The following DLG5 variants were observed in gnomAD, a reference collection of about 807,000 sequenced individuals.
DLG5 encodes the protein disks large homolog 5.
In DLG5, 48 loss-of-function variants were observed where a neutral mutation model predicts 189.8. That is an observed-to-expected ratio of 0.25 (90% CI 0.20 to 0.32). The LOEUF (loss-of-function observed/expected upper bound fraction) is 0.32, where lower values mean the gene tolerates loss of function less well. Ranked by LOEUF, DLG5 falls within the 10% of genes least tolerant of loss-of-function variation. The pLI, the probability that DLG5 is intolerant of heterozygous loss-of-function variation, is 1.00. For synonymous variants in DLG5, 1,016 were observed against 1,054.1 expected, an observed-to-expected ratio of 0.96 and a Z score of 0.70; for missense variants, 2,160 against 2,544.7, an observed-to-expected ratio of 0.85 and a Z score of 3.25.
At chr10:77,873,510 A>G (rs1196753206) in intron 1 of DLG5, among the ~76,000 whole-genome samples, 3 of 152,102 alleles carry the variant, frequency 2.0e-5, no homozygotes, top group African/African-American at 7.2e-5. Flanking sequence ...CCCGTGACTC[A>G]GTGCCACTGG....
intron 26 of DLG5, chr10:77,806,085 G>A (rs1333214797): frequency 1.4e-5 from 7 of 490,088 alleles, no homozygotes; most frequent in South Asian, 4.3e-5. Flanking sequence ...CAGAGCAGGC[G>A]ATTTTTTCTA....
rs187744793 is a variant in DLG5 at position 77,823,148 on chromosome 10, T to C, written c.2383-1047A>G. On this transcript the variant is annotated intron_variant, in intron 14 of 31. Coordinates refer to ENST00000372391, the MANE Select transcript of DLG5 (RefSeq NM_004747.4). ...CGCAAAATGCCAAAATTGGGGAAAC[T>C]TGGGGACAGGAGTGGGGATGGTGGT... 3.9e-5 allele frequency among the ~76,000 whole-genome samples: 6 copies of C among 152,302 alleles called. No individual in the cohort carries two copies. The East Asian group carries it at 7.7e-4, about 20-fold the overall frequency.
At chr10:77,897,217 G>T (rs529325339) in intron 1 of DLG5, among the ~76,000 whole-genome samples, 6 of 150,830 alleles carry the variant, frequency 4.0e-5, no homozygotes, top group Non-Finnish European at 8.9e-5. Flanking sequence ...TTAGCTGGAT[G>T]TAGTGGTGCA....
chr10:77,856,722 A>G lies in DLG5; in HGVS notation c.536+8T>C. The G allele has an allele frequency of 6.2e-7, 1 of 1,611,380 alleles. No homozygotes were observed. Among genetic ancestry groups the G allele is most frequent in the Non-Finnish European group, 8.5e-7 (1 of 1,178,514 alleles). ...GGGCCTGGGCAGGGGAGACGGCGCAATTACTACCTCTTGTCAAAGGCCGTG... is the reference window on the plus strand; with the variant it reads ...GGGCCTGGGCAGGGGAGACGGCGCAGTTACTACCTCTTGTCAAAGGCCGTG... On this transcript the variant is annotated splice_region_variant and intron_variant, in intron 3 of 31. Coordinates refer to ENST00000372391, the MANE Select transcript of DLG5 (RefSeq NM_004747.4).
intron 9 of DLG5, among the ~76,000 whole-genome samples, chr10:77,831,896 T>C (rs1461510085): frequency 6.6e-6 from 1 of 152,250 alleles, no homozygotes; most frequent in Non-Finnish European, 1.5e-5. Context: ...TTTAATGCCA[T>C]TGTTACAATT....
chr10:77,917,898 G>A (rs1332043668), intron 1 of DLG5, among the ~76,000 whole-genome samples: 2 of 151,096 alleles, frequency 1.3e-5, no homozygotes, highest in Admixed American at 1.3e-4. Context: ...GTGGTGGTGG[G>A]CACCTGTAAT....
At chr10:77,819,236 T>G in intron 17 of DLG5, 85 bp downstream of exon 17, 23 of 1,595,650 alleles carry the variant, frequency 1.4e-5, no homozygotes, top group South Asian at 2.2e-5. Context: ...TCTCCACCAA[T>G]GAGCCTCTTT....
chr10:77,874,982 A>G (rs777794768), intron 1 of DLG5, among the ~76,000 whole-genome samples: 5 of 152,242 alleles, frequency 3.3e-5, no homozygotes, highest in Non-Finnish European at 7.3e-5. Flanking sequence ...AAGCACTACT[A>G]AGTACTGGGA....
At chr10:77,913,533 A>T (rs1846281146) in intron 1 of DLG5, among the ~76,000 whole-genome samples, 1 of 151,856 alleles carries the variant, frequency 6.6e-6, no homozygotes, top group South Asian at 2.1e-4. Context: ...TGGTTGGGAG[A>T]GATGGGTGAT....
intron 13 of DLG5, 43 bp from the exon 14 acceptor site, chr10:77,824,519 C>T (rs1842521001): frequency 6.6e-7 from 1 of 1,515,048 alleles, no homozygotes; most frequent in South Asian, 1.1e-5. Context: ...GGCAGAGCGG[C>T]CTCAGGCCTA....
intron 15 of DLG5, 180 bp from the exon 16 acceptor site, chr10:77,820,198 T>C (rs1842271509): frequency 2.7e-6 from 2 of 747,268 alleles, no homozygotes; most frequent in African/African-American, 3.7e-5. Flanking sequence ...ATACAAAAAT[T>C]AGCTGGGCAT....
At position 77,820,004 on chromosome 10, in the gene DLG5, G is replaced by A. The variant is rs752093546; in HGVS notation, c.3417C>T (p.Val1139=). ...CCGGGGAGAGTTCTCCACTGGCCGGGACACACTTCTGTTCCTGCAGATGCA... is the reference window on the plus strand; with the variant it reads ...CCGGGGAGAGTTCTCCACTGGCCGGAACACACTTCTGTTCCTGCAGATGCA... ...PAQFLEEQKC[V]PASGELSPEL... is the part of the protein sequence containing the mutation. Residue 1139 remains valine, a synonymous_variant, in exon 16 of 32, where the codon GTC becomes GTT. Coordinates refer to ENST00000372391, the MANE Select transcript of DLG5 (RefSeq NM_004747.4). 2 of 1,613,432 alleles carry A rather than the reference G, an allele frequency of 1.2e-6. No individual in the cohort carries two copies. Among genetic ancestry groups the A allele is most frequent in the South Asian group, 2.2e-5 (2 of 91,084 alleles).
At chr10:77,881,425 C>A (rs1845278827) in intron 1 of DLG5, among the ~76,000 whole-genome samples, 1 of 152,062 alleles carries the variant, frequency 6.6e-6, no homozygotes, top group African/African-American at 2.4e-5. Flanking sequence ...ATCTTTCCAA[C>A]AGAAGGAAAA....
intron 5 of DLG5, among the ~76,000 whole-genome samples, chr10:77,852,805 C>T (rs183935550): frequency 6.6e-6 from 1 of 152,104 alleles, no homozygotes; most frequent in African/African-American, 2.4e-5. Flanking sequence ...AATGTCAATG[C>T]GAACTCATGG....
Position 77,805,895 on chromosome 10 carries a change from T to C in DLG5, c.4968-34A>G. 2.5e-6 allele frequency: 4 copies of C among 1,579,760 alleles called. No individual in the cohort carries two copies. In the South Asian group the frequency reaches 4.6e-5, roughly 18 times the overall value. On this transcript the variant is annotated intron_variant, in intron 26 of 31. Coordinates refer to ENST00000372391, the MANE Select transcript of DLG5 (RefSeq NM_004747.4). Reference sequence around the variant, plus strand: ...CAGGGGACAATGCTGGGCAGGGCCATCGAGACCCTGCTGCCCTGCCCTTCC... The same window carrying C: ...CAGGGGACAATGCTGGGCAGGGCCACCGAGACCCTGCTGCCCTGCCCTTCC...
chr10:77,818,258 G>A (rs532132165), intron 17 of DLG5, among the ~76,000 whole-genome samples: 6 of 152,182 alleles, frequency 3.9e-5, no homozygotes, highest in African/African-American at 1.4e-4. Context: ...AAGGCACAGA[G>A]GACTTTGGGG....
intron 1 of DLG5, among the ~76,000 whole-genome samples, chr10:77,911,133 A>G (rs1487578617): frequency 6.6e-6 from 1 of 151,960 alleles, no homozygotes; most frequent in African/African-American, 2.4e-5. Flanking sequence ...TGTTTTATTG[A>G]TTGATTGATT....
chr10:77,807,752 TC>T, intron 25 of DLG5, 43 bp downstream of exon 25: 1 of 1,598,580 alleles, frequency 6.3e-7, no homozygotes, highest in Non-Finnish European at 8.5e-7. Context: ...TGAAAGCCTC[TC>T]CTCTGGTTCC....
intron 1 of DLG5, among the ~76,000 whole-genome samples, chr10:77,879,280 CG>C (rs1239065429): frequency 3.3e-5 from 5 of 151,932 alleles, no homozygotes; most frequent in Non-Finnish European, 7.4e-5. Context: ...CCACCCCATG[CG>C]GGGAGACCTG....
Sources: gnomAD v4.1 joint callset for allele counts (sites outside exome capture counted in the v4.1 genomes callset) on GRCh38, gnomAD v4.1.1 for gene constraint, MANE v1.5 for transcripts, NCBI Gene and HGNC (gene_info 2026-07-23, HGNC 2026-07-21) for gene names.